The following RRP12 variants were observed in gnomAD, a reference collection of about 807,000 sequenced individuals.
The protein encoded by RRP12 is ribosomal RNA processing 12 homolog.
Under a neutral mutation model 157.3 loss-of-function variants are expected in RRP12, and 78 were observed. The observed-to-expected ratio is 0.50, with a 90% CI of 0.41 to 0.60. The LOEUF (loss-of-function observed/expected upper bound fraction) is 0.60. RRP12 is among the 20% of genes least tolerant of loss of function. RRP12 has a pLI of 0.00. For missense variants in RRP12, 1,521 were observed against 1,679.9 expected (o/e 0.91, Z 1.65); for synonymous variants, 726 against 670.9 (o/e 1.08, Z -1.27).
At position 97,379,773 on chromosome 10, in the gene RRP12, G is replaced by A; in HGVS notation, c.1534-3C>T. The A allele has an allele frequency of 6.2e-7, 1 of 1,602,970 alleles. No individual in the cohort carries two copies. The highest frequency in any genetic ancestry group is 8.5e-7 in the Non-Finnish European group (1 of 1,174,864). ...AGGTCACACAGGGACTGGAGGCACT[G>A]CAGCAGAGATGAGTGACCACACATC... On this transcript the variant is annotated splice_polypyrimidine_tract_variant and splice_region_variant and intron_variant, in intron 13 of 33. Coordinates refer to ENST00000370992, the MANE Select transcript of RRP12 (RefSeq NM_015179.4).
intron 29 of RRP12, 56 bp downstream of exon 29, chr10:97,366,052 A>G: frequency 6.3e-7 from 1 of 1,598,022 alleles, no homozygotes; most frequent in Non-Finnish European, 8.5e-7. Flanking sequence ...TCAGCAAGTG[A>G]TCACCGAAGG....
chr10:97,388,184 G>A (rs932491499), intron 8 of RRP12, 68 bp downstream of exon 8: 2 of 1,601,942 alleles, frequency 1.2e-6, no homozygotes, highest in East Asian at 2.2e-5. Flanking sequence ...CATTTTGACT[G>A]ACCAGTGAGT....
In RRP12 at chr10:97,393,840, CCAG is replaced by C. The variant is rs542758258; in HGVS notation, c.454-83_454-81del. Reference sequence around the variant, plus strand: ...GGAAAGAGAGTGGGGGAACATGTGCCCAGCAGAACAGTTGTGACTGAGAACCAC... The same window carrying C: ...GGAAAGAGAGTGGGGGAACATGTGCCCAGAACAGTTGTGACTGAGAACCAC... On this transcript the variant is annotated intron_variant, in intron 3 of 33. Transcript: ENST00000370992. 1.5e-5 allele frequency: 18 copies of C among 1,184,522 alleles called. No homozygotes were observed. In the African/African-American group the frequency reaches 1.7e-4, roughly 11 times the overall value. 73.4% of individuals were successfully genotyped at this position (1,184,522 alleles called of 1,614,324 possible).
chr10:97,369,693 C>A (rs1677411810), intron 24 of RRP12, 111 bp from the exon 25 acceptor site: 3 of 1,175,738 alleles, frequency 2.6e-6, no homozygotes, highest in South Asian at 3.0e-5. Flanking sequence ...ACATTGAGAG[C>A]CTTTCCGTAT....
Position 97,401,300 on chromosome 10 carries a change from A to AC in RRP12, c.-70dup. On this transcript the variant is annotated 5_prime_UTR_variant, in exon 1 of 34. Transcript: ENST00000370992. ...CCAGGGACGTAGAAACACGCTCAGA[A>AC]CCCACGTGGATACCCTGTAGCCTTC... The AC allele has an allele frequency of 6.3e-7, 1 of 1,591,414 alleles. No homozygotes were observed. The highest frequency in any genetic ancestry group is 1.1e-5 in the South Asian group (1 of 90,018).
At chr10:97,379,575 G>C (rs1167201607) in intron 14 of RRP12, 53 bp downstream of exon 14, 1 of 1,604,934 alleles carries the variant, frequency 6.2e-7, no homozygotes, top group Non-Finnish European at 8.5e-7. Context: ...ATCCTTTCCA[G>C]GGGAGAGAAC....
chr10:97,372,041 G>T, intron 20 of RRP12, 32 bp downstream of exon 20: 1 of 1,519,496 alleles, frequency 6.6e-7, no homozygotes, highest in Non-Finnish European at 9.1e-7. Flanking sequence ...CCCAAGCGTG[G>T]CTGTGTGGCG....
chr10:97,362,688 C>G (rs1843876099), intron 30 of RRP12, among the ~76,000 whole-genome samples: 1 of 152,190 alleles, frequency 6.6e-6, no homozygotes, highest in South Asian at 2.1e-4. Flanking sequence ...ACTGCTTTTC[C>G]TCAAGGGCAT....
At chr10:97,361,720 C>T (rs1220254388) in intron 30 of RRP12, among the ~76,000 whole-genome samples, 1 of 152,158 alleles carries the variant, frequency 6.6e-6, no homozygotes, top group Admixed American at 6.5e-5. Context: ...GCTCTTGGTT[C>T]AGCTGGTGCT....
At chr10:97,371,791 G>A in intron 20 of RRP12, 1 of 344,788 alleles carries the variant, frequency 2.9e-6, no homozygotes, top group East Asian at 4.6e-5. Flanking sequence ...GCCGGTCTGG[G>A]ATGGGCCTGG....
At chr10:97,397,478 A>C (rs1844999782) in intron 2 of RRP12, among the ~76,000 whole-genome samples, 1 of 152,108 alleles carries the variant, frequency 6.6e-6, no homozygotes, top group Non-Finnish European at 1.5e-5. Flanking sequence ...TATTATTTTA[A>C]AAAGATTTTT....
intron 6 of RRP12, among the ~76,000 whole-genome samples, chr10:97,389,901 C>G (rs147212730): frequency 1.3e-5 from 2 of 151,972 alleles, no homozygotes; most frequent in African/African-American, 2.4e-5. Context: ...TTAGTAGAGT[C>G]GAGGTTTCAC....
At chr10:97,370,652 G>A in intron 22 of RRP12, 64 bp downstream of exon 22, 1 of 1,593,786 alleles carries the variant, frequency 6.3e-7, no homozygotes, top group Non-Finnish European at 8.6e-7. Flanking sequence ...GCCCTCCCTG[G>A]ATCCTGAGGC....
chr10:97,393,743 T>C lies in RRP12; in HGVS notation c.471A>G (p.Ala157=), dbSNP rs1359653093. 3 of 1,614,002 alleles carry C rather than the reference T, an allele frequency of 1.9e-6. No homozygotes were observed. The South Asian group carries it at 3.3e-5, about 18-fold the overall frequency. The change falls in exon 4 of 34, where the codon GCA becomes GCG. Residue 157 remains alanine (A), a synonymous_variant. Coordinates refer to ENST00000370992, the MANE Select transcript of RRP12 (RefSeq NM_015179.4). Reference sequence around the variant, plus strand: ...CGGCCAGGGACTCCGGGGACTCCACTGCTTCCATTGTTGTCATCTGAGGGC... The same window carrying C: ...CGGCCAGGGACTCCGGGGACTCCACCGCTTCCATTGTTGTCATCTGAGGGC... ...YFAALMTTME[A]VESPESLAAV...
Position 97,373,648 on chromosome 10 carries a change from G to A in RRP12, c.1953C>T (p.Ile651=), listed in dbSNP as rs1287501718. Residue 651 remains isoleucine, a synonymous_variant, in exon 17 of 34, where the codon ATC becomes ATT. Coordinates refer to ENST00000370992, the MANE Select transcript of RRP12 (RefSeq NM_015179.4). ...KGLARTLGMA[I]SERPDLRVTV... is the part of the protein sequence containing the mutation. ...TGACCCTCAGGTCTGGACGCTCGCTGATGGCCATGCCCAGCGTCCGTGCCA... is the reference window on the plus strand; with the variant it reads ...TGACCCTCAGGTCTGGACGCTCGCTAATGGCCATGCCCAGCGTCCGTGCCA... 1 of 1,613,758 alleles carries A rather than the reference G, an allele frequency of 6.2e-7. No homozygotes were observed. The highest frequency in any genetic ancestry group is 8.5e-7 in the Non-Finnish European group (1 of 1,179,926).
chr10:97,365,845 T>C, intron 29 of RRP12: 1 of 420,300 alleles, frequency 2.4e-6, no homozygotes, highest in Non-Finnish European at 4.3e-6. Flanking sequence ...CAGAAGAGAC[T>C]AACAGCGTAT....
Position 97,370,201 on chromosome 10 carries a change from G to A in RRP12, c.2763C>T (p.Ile921=). The change falls in exon 24 of 34, where the codon ATC becomes ATT. Residue 921 remains isoleucine (I), a synonymous_variant. Transcript: ENST00000370992. ...CGAAAAGGAGGTGGGTCAGGGCCAG[G>A]ATGCTGCAGCTGACCATGGTCACCG... is the stretch of plus-strand genomic sequence containing the variant. ...VGAVTMVSCS[I]LALTHLLFEF... 6.2e-7 allele frequency: 1 copy of A among 1,606,906 alleles called. No individual in the cohort carries two copies. Among genetic ancestry groups the A allele is most frequent in the Non-Finnish European group, 8.5e-7 (1 of 1,177,188 alleles).
chr10:97,389,284 G>A (rs1006727157), intron 6 of RRP12, among the ~76,000 whole-genome samples: 18 of 152,054 alleles, frequency 1.2e-4, no homozygotes, highest in African/African-American at 2.7e-4. Context: ...TAGTAGAGAC[G>A]GGGTTTCACT....
chr10:97,383,568 G>A (rs1279147843), intron 10 of RRP12, among the ~76,000 whole-genome samples: 3 of 152,248 alleles, frequency 2.0e-5, no homozygotes, highest in Non-Finnish European at 4.4e-5. Context: ...CGAGGTCTAA[G>A]AGGCCCTTGC....
Sources: gnomAD v4.1 joint callset for allele counts (sites outside exome capture counted in the v4.1 genomes callset) on GRCh38, gnomAD v4.1.1 for gene constraint, MANE v1.5 for transcripts, NCBI Gene and HGNC (gene_info 2026-07-23, HGNC 2026-07-21) for gene names.